The following CSNK2A2 variants were observed in gnomAD, a reference collection of about 807,000 sequenced individuals.
The protein encoded by CSNK2A2 is casein kinase 2 alpha 2, also known as casein kinase II subunit alpha'.
Under a neutral mutation model 54.0 loss-of-function variants are expected in CSNK2A2, and 8 were observed. The ratio of observed to expected loss-of-function variants is 0.15; its 90% CI spans 0.09 to 0.27. CSNK2A2 has a LOEUF of 0.27. Ranked by LOEUF, CSNK2A2 falls within the 10% of genes least tolerant of loss-of-function variation. CSNK2A2 has a pLI of 1.00. For synonymous variants in CSNK2A2, 141 were observed against 153.9 expected (o/e 0.92, Z 0.62); for missense variants, 242 against 439.4 (o/e 0.55, Z 4.02).
At chr16:58,177,037 C>A (rs995139958) in intron 4 of CSNK2A2, among the ~76,000 whole-genome samples, 4 of 152,188 alleles carry the variant, frequency 2.6e-5, no homozygotes, top group African/African-American at 7.2e-5. Flanking sequence ...CCCAAGTATG[C>A]CAAGGGCCCA....
intron 4 of CSNK2A2, among the ~76,000 whole-genome samples, chr16:58,181,574 T>C (rs541963305): frequency 7.2e-5 from 11 of 151,838 alleles, no homozygotes; most frequent in Non-Finnish European, 1.5e-4. Context: ...AGAAAAAGTA[T>C]GAAGGGAAAA....
intron 4 of CSNK2A2, among the ~76,000 whole-genome samples, chr16:58,178,836 C>A (rs555568665): frequency 2.6e-5 from 4 of 152,242 alleles, no homozygotes; most frequent in African/African-American, 9.6e-5. Context: ...CTTGGTATAA[C>A]AAATGATCAT....
intron 2 of CSNK2A2, among the ~76,000 whole-genome samples, chr16:58,193,910 T>C (rs1051036773): frequency 1.3e-5 from 2 of 152,224 alleles, no homozygotes; most frequent in African/African-American, 2.4e-5. Flanking sequence ...CACTTGGGGA[T>C]AGACAGTAAA....
rs190393725 is a variant in CSNK2A2, at chr16:58,197,065, G to A, written c.105-221C>T. The A allele has an allele frequency of 1.7e-4, 88 of 515,434 alleles. No homozygotes were observed. Among genetic ancestry groups the A allele is most frequent in the Non-Finnish European group, 2.1e-4 (59 of 283,548 alleles). The allele number at this position is 515,434 out of a possible 1,614,324, so 31.9% of individuals were successfully genotyped here. On this transcript the variant is annotated intron_variant, in intron 1 of 11. Transcript: ENST00000262506. The surrounding 1 kb of genome is among the most constrained non-coding windows in gnomAD (Gnocchi z 4.0). The stretch of plus-strand genomic sequence containing the variant: ...GGTCTCTCCTAACTTGGGAAGATGG[G>A]GCAGGAAGGCAACGCTCTGAGCCAA...
chr16:58,173,764 A>T (rs1308052721), intron 5 of CSNK2A2, among the ~76,000 whole-genome samples: 1 of 152,176 alleles, frequency 6.6e-6, no homozygotes, highest in Non-Finnish European at 1.5e-5. Context: ...ATGCCTACAT[A>T]TTCAATGCTT....
In CSNK2A2 at chr16:58,196,385, G is replaced by C. The variant is rs566397977; in HGVS notation, c.216+348C>G. ...AGCAACTATAGGAGGCCTGCAAGGA[G>C]TCCTTTTGGAGGACTGCTTGAGCTC... On this transcript the variant is annotated intron_variant, in intron 2 of 11. Coordinates refer to ENST00000262506, the MANE Select transcript of CSNK2A2 (RefSeq NM_001896.4). Among the ~76,000 whole-genome samples the C allele has an allele frequency of 3.9e-4, 59 of 150,614 alleles. No homozygotes were observed. The South Asian group carries it at 0.011, about 28-fold the overall frequency.
rs140873204 is a variant in CSNK2A2 at position 58,192,536 on chromosome 16, G to C, written c.216+4197C>G. 4.3e-4 allele frequency: 65 copies of C among 152,130 alleles called. No homozygotes were observed. In the East Asian group the frequency reaches 5.4e-3, roughly 13 times the overall value. The allele number at this position is 152,130 out of a possible 1,614,324, so 9.4% of individuals were successfully genotyped here. ...ATTGAAGCATTAAACATGCTGCTGTGGATACTAATCATAGAGAACGCCTGC... is the reference window on the plus strand; with the variant it reads ...ATTGAAGCATTAAACATGCTGCTGTCGATACTAATCATAGAGAACGCCTGC... On this transcript the variant is annotated intron_variant, in intron 2 of 11. Coordinates refer to ENST00000262506, the MANE Select transcript of CSNK2A2 (RefSeq NM_001896.4).
chr16:58,187,336 G>T (rs1468592130), intron 2 of CSNK2A2, among the ~76,000 whole-genome samples: 18 of 152,072 alleles, frequency 1.2e-4, no homozygotes, highest in Admixed American at 1.2e-3. Flanking sequence ...TTGCTTCCCA[G>T]CTGCTGGCTC....
intron 2 of CSNK2A2, among the ~76,000 whole-genome samples, chr16:58,193,247 A>G (rs979879092): frequency 2.6e-5 from 4 of 152,258 alleles, no homozygotes; most frequent in Non-Finnish European, 4.4e-5. Context: ...CCATTCTGAT[A>G]TAATATAAAG....
Position 58,167,810 on chromosome 16 carries a change from G to C in CSNK2A2, c.514-15C>G. On this transcript the variant is annotated splice_polypyrimidine_tract_variant and intron_variant, in intron 6 of 11. Transcript: ENST00000262506. Reference sequence around the variant, plus strand: ...ATCAGTCGCAGCTACAAATAGGACAGAAAAAAACATGTGAAAGGAGTGTTT... The same window carrying C: ...ATCAGTCGCAGCTACAAATAGGACACAAAAAAACATGTGAAAGGAGTGTTT... 6.2e-7 allele frequency: 1 copy of C among 1,600,842 alleles called. No individual in the cohort carries two copies.
intron 5 of CSNK2A2, 98 bp from the exon 6 acceptor site, chr16:58,168,791 A>G: frequency 2.1e-6 from 2 of 939,554 alleles, no homozygotes; most frequent in Non-Finnish European, 3.3e-6. Context: ...ACTTGAATAC[A>G]GTCCCCCAAC....
At chr16:58,169,650 C>G (rs1275814794) in intron 5 of CSNK2A2, among the ~76,000 whole-genome samples, 1 of 152,134 alleles carries the variant, frequency 6.6e-6, no homozygotes, top group Non-Finnish European at 1.5e-5. Flanking sequence ...TCAAATACAT[C>G]TTTCAGTATG....
At chr16:58,191,528 A>AT (rs1482461460) in intron 2 of CSNK2A2, among the ~76,000 whole-genome samples, 1 of 151,860 alleles carries the variant, frequency 6.6e-6, no homozygotes, top group Non-Finnish European at 1.5e-5. Flanking sequence ...TGGCCAACTA[A>AT]TTTTTTGTAT....
Position 58,166,598 on chromosome 16 carries a change from G to A in CSNK2A2, c.813C>T (p.Asn271=), listed in dbSNP as rs759329868. 7.2e-5 allele frequency: 116 copies of A among 1,607,338 alleles called. No individual in the cohort carries two copies. The highest frequency in any genetic ancestry group is 4.1e-5 in the Non-Finnish European group (48 of 1,174,166). ...KYHIDLDPHF[N]DILGQHSRKR... ...CTCTTACTTACTGTCCCAGGATATC[G>A]TTGAAGTGTGGATCTAGGTCTATGT... Residue 271 remains asparagine, a synonymous_variant, in exon 9 of 12, where the codon AAC becomes AAT. Transcript: ENST00000262506.
In CSNK2A2 at chr16:58,172,713, T is replaced by C. The variant is rs147167933; in HGVS notation, c.429+1738A>G. 7.9e-5 allele frequency among the ~76,000 whole-genome samples: 12 copies of C among 152,374 alleles called. No individual in the cohort carries two copies. In the East Asian group the frequency reaches 2.1e-3, roughly 27 times the overall value. On this transcript the variant is annotated intron_variant, in intron 5 of 11. Transcript: ENST00000262506. Reference sequence around the variant, plus strand: ...ATGGAGTTACTGACATGCTTTGAAATTCTTTGGGGAATTATTTCAGTTTTA... The same window carrying C: ...ATGGAGTTACTGACATGCTTTGAAACTCTTTGGGGAATTATTTCAGTTTTA...
chr16:58,176,461 G>A (rs568213639), intron 4 of CSNK2A2, among the ~76,000 whole-genome samples: 1 of 152,302 alleles, frequency 6.6e-6, no homozygotes, highest in South Asian at 2.1e-4. Context: ...GTGACTGGTT[G>A]CCATTCACCC....
In CSNK2A2 at chr16:58,184,269, T is replaced by C; in HGVS notation, c.360A>G (p.Thr120=). 1 of 1,603,010 alleles carries C rather than the reference T, an allele frequency of 6.2e-7. No homozygotes were observed. The highest frequency in any genetic ancestry group is 8.5e-7 in the Non-Finnish European group (1 of 1,172,768). The change falls in exon 4 of 12, where the codon ACA becomes ACG. Residue 120 remains threonine (T), a synonymous_variant. Coordinates refer to ENST00000262506, the MANE Select transcript of CSNK2A2 (RefSeq NM_001896.4). Reference sequence around the variant, plus strand: ...AGAAAAGCATACGCACCTTAAAATCTGTATTATTGATATATTCAAATACCA... The same window carrying C: ...AGAAAAGCATACGCACCTTAAAATCCGTATTATTGATATATTCAAATACCA... The part of the protein sequence containing the change: ...PALVFEYINN[T]DFKQLYQILT...
At chr16:58,162,135 G>C (rs373338010) in intron 11 of CSNK2A2, 103 of 152,240 alleles carry the variant, frequency 6.8e-4, no homozygotes, top group African/African-American at 2.4e-3. Context: ...GGAGATTGGA[G>C]GGGGAGCAGG....
rs1008727658 is a variant in CSNK2A2, at chr16:58,197,002, C to G, written c.105-158G>C. The G allele has an allele frequency of 3.1e-6, 2 of 643,208 alleles. No individual in the cohort carries two copies. Among genetic ancestry groups the G allele is most frequent in the Non-Finnish European group, 5.7e-6 (2 of 349,214 alleles). The allele number at this position is 643,208 out of a possible 1,614,324, so 39.8% of individuals were successfully genotyped here. The stretch of plus-strand genomic sequence containing the variant: ...CCCTAAATGAAAGCCACGACATAAT[C>G]TTGGCTCCCTTCACTCTGCAGAGCT... On this transcript the variant is annotated intron_variant, in intron 1 of 11. Coordinates refer to ENST00000262506, the MANE Select transcript of CSNK2A2 (RefSeq NM_001896.4). This position sits in a 1 kb window ranked among gnomAD's most constrained non-coding sequence, Gnocchi z 4.0.
Sources: gnomAD v4.1 joint callset for allele counts (sites outside exome capture counted in the v4.1 genomes callset) on GRCh38, gnomAD v4.1.1 for gene constraint, Gnocchi (gnomAD v3.1) non-coding constraint, MANE v1.5 for transcripts, NCBI Gene and HGNC (gene_info 2026-07-23, HGNC 2026-07-21) for gene names.